The following TBC1D20 variants were observed in gnomAD, a reference collection of about 807,000 sequenced individuals.
TBC1D20 encodes chromosome 20 open reading frame 140.
A neutral mutation model predicts 41.6 loss-of-function variants in TBC1D20; 12 were observed. That is an observed-to-expected ratio of 0.29 (90% CI 0.18 to 0.47). The LOEUF (loss-of-function observed/expected upper bound fraction) is 0.47. TBC1D20 is among the 20% of genes least tolerant of loss of function. TBC1D20 has a pLI of 1.00. For missense variants in TBC1D20, 421 were observed against 517.4 expected, an observed-to-expected ratio of 0.81 and a Z score of 1.81; for synonymous variants, 205 against 204.8, an observed-to-expected ratio of 1.00 and a Z score of -0.01.
Position 445,060 on chromosome 20 carries a change from C to T in TBC1D20, c.327G>A (p.Arg109=). Reference sequence around the variant, plus strand: ...GGGAGAGCTTCTCACCAGGAGGGAACCGCCGCAATGACCGCCGGACGTCCA... The same window carrying T: ...GGGAGAGCTTCTCACCAGGAGGGAATCGCCGCAATGACCGCCGGACGTCCA... ...VLLDVRRSLR[R]FPPGMPEEQR... is the part of the protein sequence containing the mutation. The change falls in exon 3 of 8, where the codon CGG becomes CGA. Residue 109 remains arginine, a synonymous_variant. Coordinates refer to ENST00000354200, the MANE Select transcript of TBC1D20 (RefSeq NM_144628.4). The T allele has an allele frequency of 6.2e-7, 1 of 1,604,026 alleles. No individual in the cohort carries two copies. The highest frequency in any genetic ancestry group is 8.5e-7 in the Non-Finnish European group (1 of 1,174,200).
At chr20:449,424 A>T (rs2017403141) in intron 1 of TBC1D20, among the ~76,000 whole-genome samples, 2 of 151,660 alleles carry the variant, frequency 1.3e-5, no homozygotes, top group South Asian at 4.2e-4. Flanking sequence ...GCAAAACCTC[A>T]TCTCTACTAA....
Position 438,731 on chromosome 20 carries a change from T to G in TBC1D20, c.1067A>C (p.Lys356Thr), listed in dbSNP as rs1469474950. ...RGLLRPEDRTKDVLTKPRTNR... is the reference protein window; with the variant it reads ...RGLLRPEDRTTDVLTKPRTNR... ...GGTCCTTGGCTTGGTCAGGACATCT[T>G]TTGTTCGATCTTCAGGCCGCAGAAG... The change falls in exon 8 of 8, where the codon AAA becomes ACA. Residue 356 changes from lysine to threonine, a missense_variant. This residue lies in a region of TBC1D20 where 161 missense variants were observed against 182.7 expected (regional missense o/e 0.88). Transcript: ENST00000354200. 4 of 1,614,054 alleles carry G rather than the reference T, an allele frequency of 2.5e-6. No homozygotes were observed. In the Admixed American group the frequency reaches 5.0e-5, roughly 20 times the overall value.
rs1046546597 is a variant in TBC1D20 at position 438,093 on chromosome 20, C to T, written c.*493G>A. The T allele has an allele frequency of 1.9e-5, 3 of 156,792 alleles. No individual in the cohort carries two copies. Among genetic ancestry groups the T allele is most frequent in the Non-Finnish European group, 4.2e-5 (3 of 70,612 alleles). The allele number at this position is 156,792 out of a possible 1,614,324, so 9.7% of individuals were successfully genotyped here. ...GCTAGTAAGAGGGGCCGATCATGCTCCCAGACGAGTCCTTTGGCCTCTTGC... is the reference window on the plus strand; with the variant it reads ...GCTAGTAAGAGGGGCCGATCATGCTTCCAGACGAGTCCTTTGGCCTCTTGC... On this transcript the variant is annotated 3_prime_UTR_variant, in exon 8 of 8. Transcript: ENST00000354200.
chr20:440,455 T>A (rs1159136717), intron 5 of TBC1D20, 66 bp from the exon 6 acceptor site: 2 of 1,575,768 alleles, frequency 1.3e-6, no homozygotes, highest in Middle Eastern at 1.7e-4. Flanking sequence ...CTGGGCCTTA[T>A]AGCGCTGGTG....
Position 438,572 on chromosome 20 carries a change from G to A in TBC1D20, c.*14C>T, listed in dbSNP as rs772445851. The A allele has an allele frequency of 3.1e-6, 5 of 1,612,676 alleles. No individual in the cohort carries two copies. The highest frequency in any genetic ancestry group is 4.2e-6 in the Non-Finnish European group (5 of 1,178,910). ...GACCTTAATGTGATGTAAGAGGAAG[G>A]TCTTCTCTGGCTTTCAGGGAAACAG... On this transcript the variant is annotated 3_prime_UTR_variant, in exon 8 of 8. Transcript: ENST00000354200.
chr20:459,517 C>T (rs755994074), intron 1 of TBC1D20, among the ~76,000 whole-genome samples: 17 of 152,162 alleles, frequency 1.1e-4, no homozygotes, highest in Admixed American at 3.3e-4. Context: ...AACGAATGAC[C>T]GTCCTACAGC....
chr20:450,805 T>C (rs1447152996), intron 1 of TBC1D20: 1 of 152,132 alleles, frequency 6.6e-6, no homozygotes, highest in Non-Finnish European at 1.5e-5. Context: ...GGTTGGGAAT[T>C]TGTGGTTAGT....
Position 441,961 on chromosome 20 carries a change from C to T in TBC1D20, c.420G>A (p.Leu140=). 1 of 1,614,100 alleles carries T rather than the reference C, an allele frequency of 6.2e-7. No individual in the cohort carries two copies. Among genetic ancestry groups the T allele is most frequent in the Non-Finnish European group, 8.5e-7 (1 of 1,180,008 alleles). Residue 140 remains leucine (L), a synonymous_variant, in exon 4 of 8, where the codon CTG becomes CTA. Transcript: ENST00000354200. ...TGTCATGGTAGCCCTGGTAGTAGTGCAGCTGAGGGTTGCGCTCCAAGATGA... is the reference window on the plus strand; with the variant it reads ...TGTCATGGTAGCCCTGGTAGTAGTGTAGCTGAGGGTTGCGCTCCAAGATGA... ...ILLILERNPQ[L]HYYQGYHDIV... is the part of the protein sequence containing the mutation.
rs1478295312 is a variant in TBC1D20 at position 436,006 on chromosome 20, G to C, written c.*2580C>G. ...CCAACATTATAACAAAGGGTTATGG[G>C]AGTGATGAACCAGGAACTGTGGACA... is the stretch of plus-strand genomic sequence containing the variant. On this transcript the variant is annotated 3_prime_UTR_variant, in exon 8 of 8. Coordinates refer to ENST00000354200, the MANE Select transcript of TBC1D20 (RefSeq NM_144628.4). 1 of 152,282 alleles carries C rather than the reference G, an allele frequency of 6.6e-6. No individual in the cohort carries two copies. The highest frequency in any genetic ancestry group is 2.4e-5 in the African/African-American group (1 of 41,464). The allele number at this position is 152,282 out of a possible 1,614,324, so 9.4% of individuals were successfully genotyped here.
chr20:446,141 T>C (rs1311774953), intron 2 of TBC1D20, among the ~76,000 whole-genome samples: 1 of 152,286 alleles, frequency 6.6e-6, no homozygotes, highest in Non-Finnish European at 1.5e-5. Flanking sequence ...TTTGCCATGA[T>C]GGCAGGAAAG....
In TBC1D20 at chr20:438,561, G is replaced by T. The variant is rs1203121528; in HGVS notation, c.*25C>A. On this transcript the variant is annotated 3_prime_UTR_variant, in exon 8 of 8. Transcript: ENST00000354200. Reference sequence around the variant, plus strand: ...TGGAAGGGTGAGACCTTAATGTGATGTAAGAGGAAGGTCTTCTCTGGCTTT... The same window carrying T: ...TGGAAGGGTGAGACCTTAATGTGATTTAAGAGGAAGGTCTTCTCTGGCTTT... The T allele has an allele frequency of 6.2e-7, 1 of 1,610,992 alleles. No homozygotes were observed. Among genetic ancestry groups the T allele is most frequent in the Admixed American group, 1.7e-5 (1 of 59,890 alleles).
chr20:438,657 CTCCAA>C lies in TBC1D20; in HGVS notation c.1136_1140del (p.Leu379ArgfsTer16). The C allele has an allele frequency of 6.2e-7, 1 of 1,614,214 alleles. No homozygotes were observed. The highest frequency in any genetic ancestry group is 8.5e-7 in the Non-Finnish European group (1 of 1,180,028). ...CTTTTCACCACAGCCAGTGCAGCCG[CTCCAA>C]GTGCCACTGTCAGCCCCATCACTGC... On this transcript the variant is annotated frameshift_variant, in exon 8 of 8. Coordinates refer to ENST00000354200, the MANE Select transcript of TBC1D20 (RefSeq NM_144628.4). LOFTEE classifies it high-confidence loss of function.
At chr20:456,429 A>G (rs2017541091) in intron 1 of TBC1D20, among the ~76,000 whole-genome samples, 1 of 152,180 alleles carries the variant, frequency 6.6e-6, no homozygotes, top group African/African-American at 2.4e-5. Flanking sequence ...ACTTGTACTA[A>G]GCACTGTACT....
Position 438,565 on chromosome 20 carries a change from G to C in TBC1D20, c.*21C>G, listed in dbSNP as rs748070163. 6.2e-7 allele frequency: 1 copy of C among 1,612,028 alleles called. No homozygotes were observed. Among genetic ancestry groups the C allele is most frequent in the Non-Finnish European group, 8.5e-7 (1 of 1,178,388 alleles). ...AGGGTGAGACCTTAATGTGATGTAA[G>C]AGGAAGGTCTTCTCTGGCTTTCAGG... On this transcript the variant is annotated 3_prime_UTR_variant, in exon 8 of 8. Coordinates refer to ENST00000354200, the MANE Select transcript of TBC1D20 (RefSeq NM_144628.4).
Position 439,036 on chromosome 20 carries a change from A to G in TBC1D20, c.956+72T>C. On this transcript the variant is annotated intron_variant, in intron 7 of 7. Coordinates refer to ENST00000354200, the MANE Select transcript of TBC1D20 (RefSeq NM_144628.4). The surrounding 1 kb of genome is among the most constrained non-coding windows in gnomAD (Gnocchi z 4.6). ...AAACATGCCCCAACCCTATCCCACCAGACACAAACCTTCCCTCGCTTCTGC... is the reference window on the plus strand; with the variant it reads ...AAACATGCCCCAACCCTATCCCACCGGACACAAACCTTCCCTCGCTTCTGC... 3 of 1,541,046 alleles carry G rather than the reference A, an allele frequency of 1.9e-6. No individual in the cohort carries two copies. In the South Asian group the frequency reaches 3.8e-5, roughly 19 times the overall value.
Position 457,705 on chromosome 20 carries a change from G to A in TBC1D20, c.70+4631C>T, listed in dbSNP as rs145497181. On this transcript the variant is annotated intron_variant, in intron 1 of 7. Transcript: ENST00000354200. ...GAGAACAGAAGCAGGTAGCACCGCA[G>A]TAAAAGAGGCTGGGCTGGATTCATC... Among the ~76,000 whole-genome samples the A allele has an allele frequency of 2.1e-3, 319 of 152,332 alleles. 1 individual carries two copies. Among genetic ancestry groups the A allele is most frequent in the African/African-American group, 6.9e-3 (285 of 41,562 alleles).
intron 2 of TBC1D20, among the ~76,000 whole-genome samples, chr20:446,469 T>C (rs1007310537): frequency 2.0e-5 from 3 of 152,050 alleles, no homozygotes; most frequent in Non-Finnish European, 4.4e-5. Flanking sequence ...GCTTCCCTAG[T>C]AGCTGGAATT....
At chr20:449,221 C>T (rs1348691780) in intron 1 of TBC1D20, among the ~76,000 whole-genome samples, 3 of 119,648 alleles carry the variant, frequency 2.5e-5, no homozygotes, top group East Asian at 4.9e-4. Flanking sequence ...GGCACGATCT[C>T]GGCTCACTGC....
At chr20:453,871 C>T (rs1375642689) in intron 1 of TBC1D20, among the ~76,000 whole-genome samples, 2 of 144,612 alleles carry the variant, frequency 1.4e-5, no homozygotes, top group African/African-American at 5.2e-5. Context: ...TTTGGGAGGC[C>T]GAGGTGGATG....
Sources: allele counts gnomAD v4.1 joint callset (sites outside exome capture counted in the v4.1 genomes callset), GRCh38; gene constraint gnomAD v4.1.1; regional missense constraint gnomAD v4.1.1; non-coding constraint Gnocchi (gnomAD v3.1); transcripts MANE v1.5; gene names NCBI Gene and HGNC (gene_info 2026-07-23, HGNC 2026-07-21).